Variants in SKAP1 observed in about 807,000 individuals in gnomAD.
SKAP1 encodes src kinase associated phosphoprotein 1.
A neutral mutation model predicts 58.5 loss-of-function variants in SKAP1; 44 were observed. The ratio of observed to expected loss-of-function variants is 0.75; its 90% CI spans 0.59 to 0.97. The LOEUF (loss-of-function observed/expected upper bound fraction) is 0.97, where lower values mean the gene tolerates loss of function less well. Ranked by LOEUF, SKAP1 falls within the 50% of genes least tolerant of loss-of-function variation. SKAP1 has a pLI of 0.00. For missense variants in SKAP1, 390 were observed against 435.2 expected, an observed-to-expected ratio of 0.90 and a Z score of 0.92; for synonymous variants, 127 against 149.7, an observed-to-expected ratio of 0.85 and a Z score of 1.11.
intron 9 of SKAP1, among the ~76,000 whole-genome samples, chr17:48,177,363 C>G (rs1290773335): frequency 1.3e-5 from 2 of 152,234 alleles, no homozygotes; most frequent in East Asian, 1.9e-4. Context: ...TGCCAGGGTT[C>G]TGTGCTAAGA....
intron 1 of SKAP1, among the ~76,000 whole-genome samples, chr17:48,412,162 A>G (rs2067672647): frequency 6.6e-6 from 1 of 152,224 alleles, no homozygotes; most frequent in Admixed American, 6.5e-5. Flanking sequence ...TAATTTAAAA[A>G]GTGGCATATG....
At chr17:48,413,047 A>C (rs1250919133) in intron 1 of SKAP1, among the ~76,000 whole-genome samples, 3 of 147,776 alleles carry the variant, frequency 2.0e-5, no homozygotes, top group Non-Finnish European at 4.5e-5. Context: ...CTAGATGAAT[A>C]AGCATATAAC....
intron 9 of SKAP1, among the ~76,000 whole-genome samples, chr17:48,176,513 G>A (rs773419996): frequency 7.9e-5 from 12 of 152,120 alleles, no homozygotes; most frequent in African/African-American, 2.9e-4. Context: ...TATTGCTTTA[G>A]CATTTCTTTG....
chr17:48,352,816 C>A (rs1289477414), intron 3 of SKAP1, among the ~76,000 whole-genome samples: 1 of 152,106 alleles, frequency 6.6e-6, no homozygotes, highest in Non-Finnish European at 1.5e-5. Flanking sequence ...GTGGCAGGGC[C>A]AGGCTTTCAC....
intron 4 of SKAP1, among the ~76,000 whole-genome samples, chr17:48,269,073 G>C (rs2065593703): frequency 6.6e-6 from 1 of 151,970 alleles, no homozygotes; most frequent in African/African-American, 2.4e-5. Flanking sequence ...ACCACAAGTA[G>C]AAGAGGGTGA....
chr17:48,265,501 A>AAGC (rs778727377), intron 4 of SKAP1, among the ~76,000 whole-genome samples: 243 of 148,416 alleles, frequency 1.6e-3, no homozygotes, highest in Admixed American at 3.4e-3. Flanking sequence ...AAAAAAAAAA[A>AAGC]AAGCAAGCAA....
At chr17:48,177,940 C>T (rs1226801122) in intron 9 of SKAP1, among the ~76,000 whole-genome samples, 1 of 152,090 alleles carries the variant, frequency 6.6e-6, no homozygotes, top group Admixed American at 6.5e-5. Context: ...ACTGTGTGGC[C>T]TTCCTCACTT....
chr17:48,287,351 A>G (rs1025716488), intron 4 of SKAP1, among the ~76,000 whole-genome samples: 7 of 151,898 alleles, frequency 4.6e-5, no homozygotes, highest in African/African-American at 1.7e-4. Context: ...AGAGAATATC[A>G]GGGTAATTAC....
chr17:48,421,104 G>C (rs2067787779), intron 1 of SKAP1, among the ~76,000 whole-genome samples: 1 of 152,082 alleles, frequency 6.6e-6, no homozygotes, highest in Admixed American at 6.6e-5. Flanking sequence ...ACTTCCATGG[G>C]GAGCAGCTCT....
At chr17:48,193,957 T>G (rs1317204302) in intron 4 of SKAP1, among the ~76,000 whole-genome samples, 1 of 152,144 alleles carries the variant, frequency 6.6e-6, no homozygotes, top group Non-Finnish European at 1.5e-5. Context: ...ATTCATTACC[T>G]GAGAAAAGAT....
At chr17:48,214,455 G>A (rs2064912233) in intron 4 of SKAP1, among the ~76,000 whole-genome samples, 1 of 151,926 alleles carries the variant, frequency 6.6e-6, no homozygotes, top group Non-Finnish European at 1.5e-5. Flanking sequence ...TTAATTTTTT[G>A]TAGAGATGGG....
chr17:48,232,961 G>A (rs2065140945), intron 4 of SKAP1, among the ~76,000 whole-genome samples: 1 of 152,076 alleles, frequency 6.6e-6, no homozygotes, highest in African/African-American at 2.4e-5. Flanking sequence ...CTTTTCTTAG[G>A]TTCACAGATT....
At chr17:48,263,802 C>A (rs767098540) in intron 4 of SKAP1, among the ~76,000 whole-genome samples, 3 of 152,136 alleles carry the variant, frequency 2.0e-5, no homozygotes, top group Admixed American at 6.5e-5. Flanking sequence ...TGGTTTTGAC[C>A]GCCAGATGAC....
intron 4 of SKAP1, among the ~76,000 whole-genome samples, chr17:48,287,490 A>C (rs1402314494): frequency 6.6e-6 from 1 of 152,184 alleles, no homozygotes; most frequent in Non-Finnish European, 1.5e-5. Flanking sequence ...AATAACACGG[A>C]ATAATGGTAT....
intron 4 of SKAP1, among the ~76,000 whole-genome samples, chr17:48,280,011 T>C (rs1037811286): frequency 3.9e-5 from 6 of 152,074 alleles, no homozygotes; most frequent in African/African-American, 1.4e-4. Flanking sequence ...TATACTTATT[T>C]CTCATGGAAA....
rs1200934559 is a variant in SKAP1, at chr17:48,407,386, C to G, written c.47-10601G>C. Among the ~76,000 whole-genome samples, 4 of 152,210 alleles carry G rather than the reference C, an allele frequency of 2.6e-5. No individual in the cohort carries two copies. The East Asian group carries it at 7.7e-4, about 29-fold the overall frequency. Reference sequence around the variant, plus strand: ...AGAACAATGGTTTTCTAACAGTGCTCTCTGGATTCACAAGCCTCTGATAAG... The same window carrying G: ...AGAACAATGGTTTTCTAACAGTGCTGTCTGGATTCACAAGCCTCTGATAAG... On this transcript the variant is annotated intron_variant, in intron 1 of 12. Coordinates refer to ENST00000336915, the MANE Select transcript of SKAP1 (RefSeq NM_003726.4).
At chr17:48,421,308 TTTTTTTTTTTA>T (rs1451128240) in intron 1 of SKAP1, among the ~76,000 whole-genome samples, 3 of 151,426 alleles carry the variant, frequency 2.0e-5, no homozygotes, top group African/African-American at 7.3e-5. Context: ...TTTTTTTTTT[TTTTTTTTTTTA>T]AAGACGAATT....
At chr17:48,261,413 TTAGTTTGGTTGC>T (rs1428359029) in intron 4 of SKAP1, among the ~76,000 whole-genome samples, 1 of 151,998 alleles carries the variant, frequency 6.6e-6, no homozygotes, top group Non-Finnish European at 1.5e-5. Context: ...AGCTACAGGG[TTAGTTTGGTTGC>T]TAGGAGTAAG....
At chr17:48,359,324 T>C (rs2066909867) in intron 3 of SKAP1, among the ~76,000 whole-genome samples, 1 of 152,212 alleles carries the variant, frequency 6.6e-6, no homozygotes, top group East Asian at 1.9e-4. Flanking sequence ...GGCACACCTC[T>C]CTCTGAAATA....
Sources: gnomAD v4.1 joint callset for allele counts (sites outside exome capture counted in the v4.1 genomes callset) on GRCh38, gnomAD v4.1.1 for gene constraint, MANE v1.5 for transcripts, NCBI Gene and HGNC (gene_info 2026-07-23, HGNC 2026-07-21) for gene names.